Variants in LTBP4 observed in about 807,000 individuals in gnomAD.
The protein encoded by LTBP4 is latent transforming growth factor beta binding protein 4, also known as latent-transforming growth factor beta-binding protein 4.
LTBP4 carries 93 observed loss-of-function variants against 180.2 expected under a neutral mutation model. The ratio of observed to expected loss-of-function variants is 0.52; its 90% CI spans 0.44 to 0.61. The LOEUF is 0.61. Among genes scored for constraint, LTBP4 ranks in the 20% least tolerant of loss-of-function variants. The pLI, the probability that LTBP4 is intolerant of heterozygous loss-of-function variation, is 0.00. For synonymous variants in LTBP4, 947 were observed against 934.5 expected (o/e 1.01, Z -0.24); for missense variants, 2,116 against 2,256.5 (o/e 0.94, Z 1.26).
At chr19:40,623,579 A>G (rs1178227262) in intron 24 of LTBP4, 25 bp from the exon 25 acceptor site, 34 of 1,602,764 alleles carry the variant, frequency 2.1e-5, no homozygotes, top group Non-Finnish European at 2.8e-5. Context: ...GCCCGCCCCC[A>G]TCTCTCTCTC....
Position 40,614,043 on chromosome 19 carries a change from G to A in LTBP4, c.2680+5G>A. ...CGGACCTCGCCTCCTGCCTCGGTGAGAGGCCCCGCCCCGGCCTGATCCCTC... is the reference window on the plus strand; with the variant it reads ...CGGACCTCGCCTCCTGCCTCGGTGAAAGGCCCCGCCCCGGCCTGATCCCTC... On this transcript the variant is annotated splice_donor_5th_base_variant and intron_variant, in intron 18 of 29. Coordinates refer to ENST00000396819, the MANE Select transcript of LTBP4 (RefSeq NM_001042545.2). 1 of 1,611,730 alleles carries A rather than the reference G, an allele frequency of 6.2e-7. No individual in the cohort carries two copies. Among genetic ancestry groups the A allele is most frequent in the East Asian group, 2.2e-5 (1 of 44,834 alleles).
intron 21 of LTBP4, 121 bp downstream of exon 21, chr19:40,617,346 T>C: frequency 7.5e-7 from 1 of 1,334,254 alleles, no homozygotes; most frequent in Non-Finnish European, 1.0e-6. Context: ...GACTTTGGAA[T>C]ATAAGATCAT....
chr19:40,617,283 C>T, intron 21 of LTBP4, 58 bp downstream of exon 21: 3 of 1,571,192 alleles, frequency 1.9e-6, no homozygotes, highest in Non-Finnish European at 2.6e-6. Context: ...TGGTCAGGCC[C>T]TGTCCCTCCC....
rs2081618324 is a variant in LTBP4, at chr19:40,625,273, TATATATATATATA to T, written c.3833-583_3833-571del. 8.1e-4 allele frequency among the ~76,000 whole-genome samples: 9 copies of T among 11,096 alleles called. 2 individuals carry two copies. Among genetic ancestry groups the T allele is most frequent in the African/African-American group, 1.4e-3 (3 of 2,078 alleles). The allele number at this position is 11,096 out of a possible 152,430, so 7.3% of individuals were successfully genotyped here. On this transcript the variant is annotated intron_variant, in intron 26 of 29. Coordinates refer to ENST00000396819, the MANE Select transcript of LTBP4 (RefSeq NM_001042545.2). ...GTATTTATATATATATATATATATA[TATATATATATATA>T]TATATATATATATATATATATATAT...
chr19:40,609,987 C>A lies in LTBP4; in HGVS notation c.1684+116C>A. 7.3e-7 allele frequency: 1 copy of A among 1,363,008 alleles called. No individual in the cohort carries two copies. Among genetic ancestry groups the A allele is most frequent in the Non-Finnish European group, 9.7e-7 (1 of 1,032,434 alleles). 84.4% of individuals were successfully genotyped at this position (1,363,008 alleles called of 1,614,324 possible). A position where few individuals can be genotyped will look rare whatever the true frequency, so the allele number is the denominator to read the frequency against. On this transcript the variant is annotated intron_variant, in intron 11 of 29. Transcript: ENST00000396819. This position sits in a 1 kb window ranked among gnomAD's most constrained non-coding sequence, Gnocchi z 4.9. ...CCTCTCGGGTCCCGCCCCAGGACTG[C>A]TCTGCCCTGGCCCTTGGCCCTGCCC...
At chr19:40,607,997 T>G (rs2081475711) in intron 7 of LTBP4, among the ~76,000 whole-genome samples, 1 of 152,174 alleles carries the variant, frequency 6.6e-6, no homozygotes, top group African/African-American at 2.4e-5. Context: ...CCCTCAACCC[T>G]GTTCCTACCA....
chr19:40,620,156 G>A (rs2081576069), intron 22 of LTBP4, among the ~76,000 whole-genome samples: 1 of 152,002 alleles, frequency 6.6e-6, no homozygotes, highest in South Asian at 2.1e-4. Flanking sequence ...AAAGAGTCAG[G>A]TGCCCGATCA....
In LTBP4 at chr19:40,619,443, A is replaced by G. The variant is rs2081571242; in HGVS notation, c.3167A>G (p.Glu1056Gly). The G allele has an allele frequency of 6.2e-7, 1 of 1,613,788 alleles. No individual in the cohort carries two copies. Among genetic ancestry groups the G allele is most frequent in the Non-Finnish European group, 8.5e-7 (1 of 1,179,846 alleles). Reference protein sequence around the residue: ...SFLCVCPNSPEEFDPMTGRCV... With the variant: ...SFLCVCPNSPGEFDPMTGRCV... ...CTCTGTGTCTGCCCCAACAGCCCGG[A>G]AGAGTTTGACCCCATGACTGGACGC... Residue 1056 changes from glutamate to glycine, a missense_variant, in exon 22 of 30, where the codon GAA becomes GGA. Coordinates refer to ENST00000396819, the MANE Select transcript of LTBP4 (RefSeq NM_001042545.2).
At chr19:40,608,162 G>T (rs2146024688) in intron 7 of LTBP4, 58 bp from the exon 8 acceptor site, 3 of 1,597,288 alleles carry the variant, frequency 1.9e-6, no homozygotes, top group Non-Finnish European at 2.6e-6. Context: ...AGTCTGGGCT[G>T]GCCATCGTTT....
chr19:40,613,683 AGGGGG>A lies in LTBP4; in HGVS notation c.2557+157_2557+161del. 3 of 1,191,684 alleles carry A rather than the reference AGGGGG, an allele frequency of 2.5e-6. No homozygotes were observed. Among genetic ancestry groups the A allele is most frequent in the Non-Finnish European group, 3.5e-6 (3 of 846,200 alleles). 73.8% of individuals were successfully genotyped at this position (1,191,684 alleles called of 1,614,324 possible). Reference sequence around the variant, plus strand: ...AGCTGGTGGGAGTCTCGAGGCAGTGAGGGGGGGCGGGGCGTGGAGATGAAAGGGCC... The same window carrying A: ...AGCTGGTGGGAGTCTCGAGGCAGTGAGGCGGGGCGTGGAGATGAAAGGGCC... On this transcript the variant is annotated intron_variant, in intron 17 of 29. Coordinates refer to ENST00000396819, the MANE Select transcript of LTBP4 (RefSeq NM_001042545.2). This position sits in a 1 kb window ranked among gnomAD's most constrained non-coding sequence, Gnocchi z 5.0.
Position 40,623,946 on chromosome 19 carries a change from G to A in LTBP4, c.3696G>A (p.Glu1232=), listed in dbSNP as rs2146046046. The change falls in exon 26 of 30, where the codon GAG becomes GAA. Residue 1232 remains glutamate, a synonymous_variant. Coordinates refer to ENST00000396819, the MANE Select transcript of LTBP4 (RefSeq NM_001042545.2). ...TCATCCTCTCCCTAGACAATGACGAGTGCGCCGATGAGGAACCGGCCTGTG... is the reference window on the plus strand; with the variant it reads ...TCATCCTCTCCCTAGACAATGACGAATGCGCCGATGAGGAACCGGCCTGTG... ...TQRLECIDND[E]CADEEPACEG... 6.2e-7 allele frequency: 1 copy of A among 1,613,946 alleles called. No individual in the cohort carries two copies. The highest frequency in any genetic ancestry group is 8.5e-7 in the Non-Finnish European group (1 of 1,179,856).
chr19:40,601,838 A>G (rs572872066), intron 1 of LTBP4, among the ~76,000 whole-genome samples: 2 of 152,156 alleles, frequency 1.3e-5, no homozygotes, highest in South Asian at 4.1e-4. Flanking sequence ...TTTTGCAAGC[A>G]ATGAGGGTTC....
At chr19:40,618,246 T>G (rs2081563682) in intron 21 of LTBP4, among the ~76,000 whole-genome samples, 2 of 151,880 alleles carry the variant, frequency 1.3e-5, no homozygotes, top group Non-Finnish European at 2.9e-5. Flanking sequence ...GTTTTTAATT[T>G]TTGTAGAGAT....
intron 26 of LTBP4, among the ~76,000 whole-genome samples, chr19:40,625,597 C>T (rs2081628065): frequency 2.0e-5 from 3 of 152,244 alleles, no homozygotes; most frequent in Admixed American, 1.3e-4. Flanking sequence ...AGAGGCCAGA[C>T]TTGGGTAGAC....
At chr19:40,601,281 G>A, upstream of LTBP4, 1 of 866,418 alleles carries the variant, frequency 1.2e-6, no homozygotes, top group Non-Finnish European at 1.4e-6. Flanking sequence ...AGGAGGGGGG[G>A]CCTGAGCGGG....
intron 24 of LTBP4, 87 bp downstream of exon 24, chr19:40,623,108 C>A: frequency 1.0e-6 from 1 of 975,160 alleles, no homozygotes; most frequent in Non-Finnish European, 1.5e-6. Flanking sequence ...GTCTCTCACC[C>A]TTTCTGTTTC....
At chr19:40,618,249 G>A (rs549748669) in intron 21 of LTBP4, among the ~76,000 whole-genome samples, 20 of 149,662 alleles carry the variant, frequency 1.3e-4, no homozygotes, top group African/African-American at 3.9e-4. Flanking sequence ...TTTAATTTTT[G>A]TAGAGATGAG....
At chr19:40,619,229 A>T (rs1462752651) in intron 21 of LTBP4, 118 bp from the exon 22 acceptor site, 1 of 994,636 alleles carries the variant, frequency 1.0e-6, no homozygotes, top group Non-Finnish European at 1.5e-6. Flanking sequence ...AAAACAGATG[A>T]TGGGATCTGG....
intron 15 of LTBP4, 66 bp downstream of exon 15, chr19:40,612,258 C>A: frequency 6.6e-7 from 1 of 1,509,900 alleles, no homozygotes; most frequent in Non-Finnish European, 8.9e-7. Flanking sequence ...ACCCAGATCA[C>A]AACTATGACC....
Sources: gnomAD v4.1 joint callset for allele counts (sites outside exome capture counted in the v4.1 genomes callset) on GRCh38, gnomAD v4.1.1 for gene constraint, Gnocchi (gnomAD v3.1) non-coding constraint, MANE v1.5 for transcripts, NCBI Gene and HGNC (gene_info 2026-07-23, HGNC 2026-07-21) for gene names.